The following LAMB4 variants were observed in gnomAD, a reference collection of about 807,000 sequenced individuals.
The protein encoded by LAMB4 is laminin subunit beta-4.
In LAMB4, 196 loss-of-function variants were observed where a neutral mutation model predicts 199.2. The ratio of observed to expected loss-of-function variants is 0.98; its 90% CI spans 0.88 to 1.11. The LOEUF is 1.11. LAMB4 is among the 50% of genes least tolerant of loss of function. The pLI, the probability that LAMB4 is intolerant of heterozygous loss-of-function variation, is 0.00. For missense variants in LAMB4, 2,080 were observed against 2,171.2 expected (o/e 0.96, Z 0.83); for synonymous variants, 744 against 770.6 (o/e 0.97, Z 0.57).
At chr7:108,095,860 G>A (rs923716522) in intron 11 of LAMB4, among the ~76,000 whole-genome samples, 3 of 152,094 alleles carry the variant, frequency 2.0e-5, no homozygotes, top group Admixed American at 2.0e-4. Context: ...CCAGAGCAAG[G>A]AATACACTTG....
chr7:108,020,550 G>T (rs1294562608), downstream of LAMB4, among the ~76,000 whole-genome samples: 1 of 151,062 alleles, frequency 6.6e-6, no homozygotes, highest in Non-Finnish European at 1.5e-5. Context: ...ACTACATATA[G>T]GTTCTTTACA....
At chr7:108,043,611 G>C (rs1239772420) in intron 29 of LAMB4, 141 bp downstream of exon 29, 1 of 77,930 alleles carries the variant, frequency 1.3e-5, no homozygotes, top group Non-Finnish European at 1.9e-5. Flanking sequence ...ACGGAGTCTC[G>C]CTCTGTCGCC....
chr7:108,028,990 A>C, intron 33 of LAMB4, 53 bp downstream of exon 33: 6 of 1,498,710 alleles, frequency 4.0e-6, no homozygotes, highest in Non-Finnish European at 4.6e-6. Flanking sequence ...CTAGTAAGGT[A>C]GAGTACCATG....
rs557839375 is a variant in LAMB4, at chr7:108,110,286, C to T, written c.329-1042G>A. Among the ~76,000 whole-genome samples, 6 of 152,324 alleles carry T rather than the reference C, an allele frequency of 3.9e-5. No individual in the cohort carries two copies. In the South Asian group the frequency reaches 6.2e-4, roughly 16 times the overall value. ...TCAAGTGATCTGCCTATCTTGGCCT[C>T]CCAAAGTGCTGGGATTACAGGTGTG... On this transcript the variant is annotated intron_variant, in intron 4 of 33. Transcript: ENST00000388781.
intron 14 of LAMB4, among the ~76,000 whole-genome samples, chr7:108,087,958 G>T (rs2037247476): frequency 6.6e-6 from 1 of 152,208 alleles, no homozygotes; most frequent in Admixed American, 6.5e-5. Flanking sequence ...CATGGACCAA[G>T]CACAGTTGTA....
intron 14 of LAMB4, among the ~76,000 whole-genome samples, chr7:108,081,750 T>C (rs1464473887): frequency 6.6e-6 from 1 of 152,116 alleles, no homozygotes; most frequent in Non-Finnish European, 1.5e-5. Context: ...TGGGACAGAA[T>C]ACAGGCAGGG....
chr7:108,066,120 C>T (rs967570466), intron 20 of LAMB4, among the ~76,000 whole-genome samples: 1 of 152,130 alleles, frequency 6.6e-6, no homozygotes, highest in Non-Finnish European at 1.5e-5. Flanking sequence ...TAATAGCACT[C>T]GATTTACATG....
intron 3 of LAMB4, among the ~76,000 whole-genome samples, chr7:108,112,395 G>A (rs1404689806): frequency 6.6e-6 from 1 of 151,548 alleles, no homozygotes; most frequent in African/African-American, 2.4e-5. Context: ...GGGTTCAAGA[G>A]ACTCTCATGC....
chr7:108,069,936 G>T, intron 17 of LAMB4, 51 bp from the exon 18 acceptor site: 2 of 1,437,270 alleles, frequency 1.4e-6, no homozygotes, highest in South Asian at 1.4e-5. Flanking sequence ...TGCTGTGTAC[G>T]ATTCTACTTA....
intron 26 of LAMB4, 69 bp downstream of exon 26, chr7:108,052,028 C>T (rs1036216008): frequency 1.0e-5 from 14 of 1,333,566 alleles, no homozygotes; most frequent in Non-Finnish European, 1.4e-5. Flanking sequence ...GGACGACTCA[C>T]TAATGGAATG....
intron 2 of LAMB4, 92 bp downstream of exon 2, chr7:108,123,039 A>G (rs1229601101): frequency 8.8e-7 from 1 of 1,142,092 alleles, no homozygotes; most frequent in Non-Finnish European, 1.3e-6. Context: ...ACAGCACTAT[A>G]GAAGACAGAA....
chr7:108,044,814 A>T (rs1284089042), intron 28 of LAMB4, among the ~76,000 whole-genome samples: 2 of 152,006 alleles, frequency 1.3e-5, no homozygotes, highest in African/African-American at 4.8e-5. Context: ...TTAGCCAGGC[A>T]TGGTGGCGCA....
intron 30 of LAMB4, among the ~76,000 whole-genome samples, chr7:108,035,542 A>T (rs932311778): frequency 9.3e-6 from 1 of 107,470 alleles, no homozygotes; most frequent in African/African-American, 3.6e-5. Flanking sequence ...ACCCTGTCTC[A>T]AAAGAAAAAA....
chr7:108,092,616 G>A (rs2037451275), intron 12 of LAMB4, among the ~76,000 whole-genome samples, 200 bp from the exon 13 acceptor site: 1 of 152,158 alleles, frequency 6.6e-6, no homozygotes, highest in African/African-American at 2.4e-5. Context: ...TTTGAAGTAA[G>A]GGGACAGGGC....
intron 14 of LAMB4, among the ~76,000 whole-genome samples, chr7:108,086,515 A>G (rs2037182814): frequency 6.6e-6 from 1 of 152,170 alleles, no homozygotes; most frequent in Non-Finnish European, 1.5e-5. Flanking sequence ...CTCTTGTACT[A>G]AACTGACCCA....
chr7:108,041,711 A>C (rs1410942460), intron 29 of LAMB4, among the ~76,000 whole-genome samples: 2 of 152,186 alleles, frequency 1.3e-5, no homozygotes, highest in Non-Finnish European at 2.9e-5. Flanking sequence ...ACATGGACAC[A>C]TAGAGGGGAA....
At chr7:108,020,821 T>C (rs2034677096), downstream of LAMB4, among the ~76,000 whole-genome samples, 1 of 152,354 alleles carries the variant, frequency 6.6e-6, no homozygotes, top group East Asian at 1.9e-4. Context: ...ATATAATGGT[T>C]GTTCCACTGA....
At chr7:108,123,897 C>T (rs2038685867) in intron 1 of LAMB4, among the ~76,000 whole-genome samples, 1 of 152,198 alleles carries the variant, frequency 6.6e-6, no homozygotes, top group Non-Finnish European at 1.5e-5. Context: ...GGCCATGGCC[C>T]TTGAGAGAGA....
intron 33 of LAMB4, among the ~76,000 whole-genome samples, chr7:108,027,999 G>A (rs1271135743): frequency 6.6e-6 from 1 of 152,058 alleles, no homozygotes. Flanking sequence ...GGCCAGGCTG[G>A]TCTCAAACTC....
Sources: gnomAD v4.1 joint callset for allele counts (sites outside exome capture counted in the v4.1 genomes callset) on GRCh38, gnomAD v4.1.1 for gene constraint, MANE v1.5 for transcripts, NCBI Gene and HGNC (gene_info 2026-07-23, HGNC 2026-07-21) for gene names.